The following MBOAT1 variants were observed in gnomAD, a reference collection of about 807,000 sequenced individuals.
MBOAT1 encodes the protein membrane bound glycerophospholipid O-acyltransferase 1.
A neutral mutation model predicts 64.4 loss-of-function variants in MBOAT1; 67 were observed. The observed-to-expected ratio is 1.04, with a 90% CI of 0.85 to 1.27. The LOEUF is 1.27. MBOAT1 is among the 50% of genes most tolerant of loss of function. The pLI is 0.00. For synonymous variants in MBOAT1, 229 were observed against 218.9 expected (o/e 1.05, Z -0.41); for missense variants, 563 against 604.6 (o/e 0.93, Z 0.72).
chr6:20,135,515 A>G (rs1194851727), intron 4 of MBOAT1, among the ~76,000 whole-genome samples: 1 of 152,164 alleles, frequency 6.6e-6, no homozygotes, highest in Non-Finnish European at 1.5e-5. Flanking sequence ...GATTTGAGCA[A>G]TATTTCAATA....
intron 4 of MBOAT1, among the ~76,000 whole-genome samples, chr6:20,135,524 T>A (rs1212620724): frequency 6.6e-6 from 1 of 152,320 alleles, no homozygotes; most frequent in East Asian, 1.9e-4. Flanking sequence ...AATATTTCAA[T>A]AAAACCTACC....
At chr6:20,152,381 ATT>A (rs67627655) in intron 2 of MBOAT1, among the ~76,000 whole-genome samples, 14,508 of 147,174 alleles carry the variant, frequency 0.099, 738 homozygotes, top group South Asian at 0.11. Context: ...TAATTAATTA[ATT>A]AATTAAAAAA....
At chr6:20,104,323 C>T (rs1759889236) in intron 12 of MBOAT1, among the ~76,000 whole-genome samples, 2 of 152,196 alleles carry the variant, frequency 1.3e-5, no homozygotes, top group African/African-American at 2.4e-5. Flanking sequence ...AACACTTTAA[C>T]CCATTGCTCT....
At chr6:20,191,320 A>C (rs1762794505) in intron 1 of MBOAT1, among the ~76,000 whole-genome samples, 1 of 152,220 alleles carries the variant, frequency 6.6e-6, no homozygotes, top group Admixed American at 6.5e-5. Context: ...CTGTGAACCC[A>C]ATAAACATCT....
intron 2 of MBOAT1, 83 bp from the exon 3 acceptor site, chr6:20,151,345 T>C (rs1761488529): frequency 1.1e-6 from 1 of 915,780 alleles, no homozygotes; most frequent in South Asian, 1.5e-5. Context: ...TGTGAATCCA[T>C]CACTACCCCT....
chr6:20,177,702 A>G (rs1467614439), intron 1 of MBOAT1, among the ~76,000 whole-genome samples: 1 of 147,696 alleles, frequency 6.8e-6, no homozygotes, highest in Non-Finnish European at 1.5e-5. Context: ...TGAACCTGGG[A>G]GGCAGAGCTT....
At chr6:20,163,832 C>T (rs1439498088) in intron 1 of MBOAT1, among the ~76,000 whole-genome samples, 1 of 151,964 alleles carries the variant, frequency 6.6e-6, no homozygotes, top group Non-Finnish European at 1.5e-5. Context: ...CAGAAGGGGC[C>T]CATCTAAAAA....
intron 12 of MBOAT1, among the ~76,000 whole-genome samples, chr6:20,105,517 C>A (rs1759926310): frequency 6.6e-6 from 1 of 152,228 alleles, no homozygotes; most frequent in Admixed American, 6.5e-5. Flanking sequence ...GTAATCCCAG[C>A]ACTTTGGGAG....
At chr6:20,118,330 G>A (rs1760390649) in intron 9 of MBOAT1, 107 bp downstream of exon 9, 2 of 854,988 alleles carry the variant, frequency 2.3e-6, no homozygotes, top group Admixed American at 2.2e-5. Flanking sequence ...TTCCCTGAGA[G>A]CAGCTTTTCT....
rs1760821203 is a variant in MBOAT1 at position 20,131,274 on chromosome 6, T to C, written c.420-75A>G. On this transcript the variant is annotated intron_variant, in intron 4 of 12. Coordinates refer to ENST00000324607, the MANE Select transcript of MBOAT1 (RefSeq NM_001080480.3). ...TGGTCTGGCTGTGCCCCCACCCAAA[T>C]CTCATCTTGAATTGTAGTTCCCATA... is the stretch of plus-strand genomic sequence containing the variant. The C allele has an allele frequency of 2.3e-6, 3 of 1,299,262 alleles. No homozygotes were observed. In the Admixed American group the frequency reaches 5.1e-5, roughly 22 times the overall value. 80.5% of individuals were successfully genotyped at this position (1,299,262 alleles called of 1,614,324 possible).
At chr6:20,139,862 T>C (rs1761120045) in intron 4 of MBOAT1, among the ~76,000 whole-genome samples, 1 of 152,156 alleles carries the variant, frequency 6.6e-6, no homozygotes, top group Non-Finnish European at 1.5e-5. Flanking sequence ...GCCTTAACTT[T>C]CTATACAAAC....
chr6:20,124,721 A>T lies in MBOAT1; in HGVS notation c.715-121T>A, dbSNP rs138401913. 292 of 820,980 alleles carry T rather than the reference A, an allele frequency of 3.6e-4. 1 individual carries two copies. In the African/African-American group the frequency reaches 4.1e-3, roughly 12 times the overall value. The allele number at this position is 820,980 out of a possible 1,614,324, so 50.9% of individuals were successfully genotyped here. On this transcript the variant is annotated intron_variant, in intron 7 of 12. Coordinates refer to ENST00000324607, the MANE Select transcript of MBOAT1 (RefSeq NM_001080480.3). Reference sequence around the variant, plus strand: ...CAGCTGCTTGGCATTATTCCCCAGAAGGAGTGACAACAGGCATTCTTCCTC... The same window carrying T: ...CAGCTGCTTGGCATTATTCCCCAGATGGAGTGACAACAGGCATTCTTCCTC...
intron 1 of MBOAT1, among the ~76,000 whole-genome samples, chr6:20,168,902 G>A (rs187797819): frequency 2.6e-5 from 4 of 151,752 alleles, no homozygotes; most frequent in Admixed American, 2.6e-4. Context: ...AAATATCATC[G>A]GGGTTTTCCC....
intron 7 of MBOAT1, among the ~76,000 whole-genome samples, 174 bp downstream of exon 7, chr6:20,126,343 C>T (rs1006037064): frequency 3.3e-5 from 5 of 152,182 alleles, no homozygotes; most frequent in African/African-American, 9.7e-5. Context: ...AATAAACACC[C>T]ATTGCTGCAA....
At chr6:20,163,959 G>A (rs908885318) in intron 1 of MBOAT1, among the ~76,000 whole-genome samples, 3 of 151,966 alleles carry the variant, frequency 2.0e-5, no homozygotes, top group Non-Finnish European at 2.9e-5. Flanking sequence ...AACCTTGACC[G>A]GGGCCCGGGA....
intron 4 of MBOAT1, among the ~76,000 whole-genome samples, chr6:20,132,064 G>T (rs547877716): frequency 3.2e-4 from 49 of 151,552 alleles, no homozygotes; most frequent in Non-Finnish European, 4.6e-4. Flanking sequence ...TGTATTTTTT[G>T]TAGAGACTGG....
At chr6:20,118,650 T>C (rs1170247101) in intron 8 of MBOAT1, 110 bp from the exon 9 acceptor site, 2 of 831,320 alleles carry the variant, frequency 2.4e-6, no homozygotes, top group Non-Finnish European at 3.7e-6. Flanking sequence ...TGCAGTAGTG[T>C]CTTTGGAAAA....
chr6:20,170,382 C>T (rs1002595859), intron 1 of MBOAT1, among the ~76,000 whole-genome samples: 1 of 152,170 alleles, frequency 6.6e-6, no homozygotes, highest in Non-Finnish European at 1.5e-5. Flanking sequence ...TCATCATCTT[C>T]CTCTTTGACT....
At chr6:20,192,940 C>G (rs928640719) in intron 1 of MBOAT1, among the ~76,000 whole-genome samples, 1 of 149,896 alleles carries the variant, frequency 6.7e-6, no homozygotes, top group Non-Finnish European at 1.5e-5. Context: ...ACATCAATTA[C>G]ACAACCTGGA....
Sources: gnomAD v4.1 joint callset for allele counts (sites outside exome capture counted in the v4.1 genomes callset) on GRCh38, gnomAD v4.1.1 for gene constraint, MANE v1.5 for transcripts, NCBI Gene and HGNC (gene_info 2026-07-23, HGNC 2026-07-21) for gene names.